PTPRD: variants seen among roughly 807,000 people sequenced by gnomAD.
PTPRD encodes the protein protein tyrosine phosphatase receptor type D, also known as receptor-type tyrosine-protein phosphatase delta.
Under a neutral mutation model 214.5 loss-of-function variants are expected in PTPRD, and 34 were observed. The ratio of observed to expected loss-of-function variants is 0.16; its 90% CI spans 0.12 to 0.21. The LOEUF (loss-of-function observed/expected upper bound fraction) is 0.21. PTPRD is among the 10% of genes least tolerant of loss of function. The pLI, the probability that PTPRD is intolerant of heterozygous loss-of-function variation, is 1.00. For missense variants in PTPRD, 2,545 were observed against 2,398.7 expected (o/e 1.06, Z -1.27); for synonymous variants, 1,128 against 845.7 (o/e 1.33, Z -5.79).
chr9:8,899,202 C>T (rs2098645221), intron 11 of PTPRD, among the ~76,000 whole-genome samples: 1 of 152,128 alleles, frequency 6.6e-6, no homozygotes, highest in African/African-American at 2.4e-5. Context: ...AGGCCTAATC[C>T]AAGAGCACCG....
chr9:9,367,510 A>T (rs1283910095), intron 9 of PTPRD, among the ~76,000 whole-genome samples: 2 of 151,702 alleles, frequency 1.3e-5, no homozygotes, highest in Non-Finnish European at 2.9e-5. Context: ...AAATTTGATA[A>T]CAACTTTGGA....
At chr9:10,027,418 C>A (rs781528552) in intron 4 of PTPRD, among the ~76,000 whole-genome samples, 1 of 152,178 alleles carries the variant, frequency 6.6e-6, no homozygotes, top group Non-Finnish European at 1.5e-5. Context: ...GGCCCACTAT[C>A]ATGGAGAGAT....
intron 10 of PTPRD, among the ~76,000 whole-genome samples, chr9:9,157,374 A>T (rs1297669833): frequency 1.3e-5 from 2 of 152,142 alleles, no homozygotes; most frequent in Non-Finnish European, 2.9e-5. Context: ...CAAAATCAAT[A>T]AACTCTTAGA....
Position 9,351,802 on chromosome 9 carries a change from G to A in PTPRD, c.-203+45647C>T, listed in dbSNP as rs193302586. On this transcript the variant is annotated intron_variant, in intron 9 of 45. Transcript: ENST00000381196. ...ATTTGGTCAGCTGGGTTCATAATTT[G>A]GACTAGTCATTTTGGACTCATTGTT... Among the ~76,000 whole-genome samples, 3 of 152,034 alleles carry A rather than the reference G, an allele frequency of 2.0e-5. No homozygotes were observed. The East Asian group carries it at 5.8e-4, about 30-fold the overall frequency.
intron 39 of PTPRD, among the ~76,000 whole-genome samples, chr9:8,353,425 TATGA>T (rs71317360): frequency 6.6e-6 from 1 of 151,122 alleles, no homozygotes; most frequent in Non-Finnish European, 1.5e-5. Context: ...TTTATGAATG[TATGA>T]ATGAATGAAT....
chr9:10,512,877 T>C (rs2048761398), intron 2 of PTPRD, among the ~76,000 whole-genome samples: 1 of 149,544 alleles, frequency 6.7e-6, no homozygotes, highest in Non-Finnish European at 1.5e-5. Context: ...GTTGAAACTG[T>C]CCATGTGGTA....
At chr9:10,117,612 G>GTTT (rs35593505) in intron 3 of PTPRD, among the ~76,000 whole-genome samples, 65 of 144,692 alleles carry the variant, frequency 4.5e-4, no homozygotes, top group African/African-American at 1.6e-3. Context: ...AAATCTCCCC[G>GTTT]TTTTTTTTTT....
intron 10 of PTPRD, among the ~76,000 whole-genome samples, chr9:9,175,211 A>G (rs1569558655): frequency 6.6e-6 from 1 of 152,196 alleles, no homozygotes; most frequent in Non-Finnish European, 1.5e-5. Flanking sequence ...AGATTTTTCT[A>G]AAACGTTGTC....
intron 2 of PTPRD, among the ~76,000 whole-genome samples, chr9:10,611,298 A>G (rs1012288459): frequency 2.6e-5 from 4 of 152,204 alleles, no homozygotes; most frequent in Admixed American, 1.3e-4. Flanking sequence ...CTCCTACTGT[A>G]TCTACTGTAT....
At chr9:9,895,836 T>C (rs930594574) in intron 5 of PTPRD, among the ~76,000 whole-genome samples, 1 of 152,130 alleles carries the variant, frequency 6.6e-6, no homozygotes, top group Admixed American at 6.6e-5. Context: ...ATACACTTGG[T>C]TTTTTATAGT....
chr9:10,426,328 T>C (rs983367280), intron 2 of PTPRD, among the ~76,000 whole-genome samples: 21 of 152,022 alleles, frequency 1.4e-4, no homozygotes, highest in African/African-American at 5.1e-4. Flanking sequence ...TTTCCTTTAA[T>C]TGAGCCCTCA....
At chr9:9,581,160 C>A (rs184381787) in intron 7 of PTPRD, among the ~76,000 whole-genome samples, 230 of 152,188 alleles carry the variant, frequency 1.5e-3, no homozygotes, top group Middle Eastern at 3.4e-3. Context: ...AGCTTCTAGT[C>A]TTACAACTCT....
intron 2 of PTPRD, among the ~76,000 whole-genome samples, chr9:10,543,475 T>TAAC (rs201493444): frequency 9.6e-6 from 1 of 104,262 alleles, no homozygotes; most frequent in Admixed American, 1.1e-4. Context: ...TTAATATATA[T>TAAC]ATATACACAC....
At chr9:8,837,559 G>C (rs1339943082) in intron 11 of PTPRD, among the ~76,000 whole-genome samples, 1 of 152,156 alleles carries the variant, frequency 6.6e-6, no homozygotes, top group Non-Finnish European at 1.5e-5. Flanking sequence ...CTGGAGTACA[G>C]TAGCACAATC....
chr9:10,289,327 T>G (rs936359937), intron 3 of PTPRD, among the ~76,000 whole-genome samples: 1 of 152,214 alleles, frequency 6.6e-6, no homozygotes, highest in Non-Finnish European at 1.5e-5. Context: ...GTTTCTTATG[T>G]GTTTTTCAGT....
intron 27 of PTPRD, among the ~76,000 whole-genome samples, chr9:8,489,376 C>T (rs2097102577): frequency 6.6e-6 from 1 of 152,178 alleles, no homozygotes; most frequent in African/African-American, 2.4e-5. Context: ...CTGGCTTCCC[C>T]TGCTGTACAG....
intron 14 of PTPRD, among the ~76,000 whole-genome samples, chr9:8,609,608 C>T (rs1458564313): frequency 1.3e-5 from 2 of 152,110 alleles, no homozygotes; most frequent in Non-Finnish European, 2.9e-5. Flanking sequence ...CAATTTAGCA[C>T]CACTCATAAA....
intron 9 of PTPRD, among the ~76,000 whole-genome samples, chr9:9,190,331 G>A (rs1326091261): frequency 3.3e-5 from 5 of 152,018 alleles, no homozygotes; most frequent in African/African-American, 1.2e-4. Context: ...GGGACCCAGG[G>A]GGAGGTAAGT....
chr9:10,592,888 AC>A (rs945445290), intron 2 of PTPRD, among the ~76,000 whole-genome samples: 52 of 152,088 alleles, frequency 3.4e-4, no homozygotes, highest in African/African-American at 1.3e-3. Context: ...AAAGCTGGCC[AC>A]GCTAGCCCAG....
Sources: gnomAD v4.1 joint callset for allele counts (sites outside exome capture counted in the v4.1 genomes callset) on GRCh38, gnomAD v4.1.1 for gene constraint, MANE v1.5 for transcripts, NCBI Gene and HGNC (gene_info 2026-07-23, HGNC 2026-07-21) for gene names.